Variants in KDM4F observed in about 807,000 individuals in gnomAD.
The protein encoded by KDM4F is probable lysine-specific demethylase 4F.
For synonymous variants in KDM4F, 223 were observed against 184.4 expected (o/e 1.21, Z -1.70); for missense variants, 586 against 496.4 (o/e 1.18, Z -1.71).
chr11:95,049,755 C>T (rs1858492203), exon 1 of KDM4F: 1 of 1,605,012 alleles, frequency 6.2e-7, no homozygotes, highest in African/African-American at 1.3e-5. Context: ...GACTCCGCCA[C>T]ACCAGAATTT....
chr11:95,050,052 G>C, exon 1 of KDM4F: 6 of 1,604,712 alleles, frequency 3.7e-6, no homozygotes, highest in Non-Finnish European at 2.6e-6. Context: ...AACTTGGTAC[G>C]TGGTGCCCCC....
the KDM4F span, chr11:95,050,560 GCTGTCCCACACGGA>G: frequency 1.4e-6 from 1 of 689,670 alleles, no homozygotes; most frequent in South Asian, 1.5e-5. Context: ...CACATAACCA[GCTGTCCCACACGGA>G]CTGTGGCCCC....
At chr11:95,050,855 G>C in exon 1 of KDM4F, 1 of 541,452 alleles carries the variant, frequency 1.8e-6, no homozygotes, top group Non-Finnish European at 3.3e-6. Flanking sequence ...CTCAGCTCCA[G>C]TTCGCCGATG....
exon 1 of KDM4F, chr11:95,049,669 T>C (rs1038138854): frequency 1.1e-5 from 17 of 1,600,572 alleles, no homozygotes; most frequent in Non-Finnish European, 1.4e-5. Flanking sequence ...GGAGGTGTGT[T>C]TACTCAATAC....
exon 1 of KDM4F, chr11:95,050,539 A>G: frequency 1.4e-6 from 1 of 698,196 alleles, no homozygotes; most frequent in South Asian, 1.5e-5. Context: ...GGCCTGAGGC[A>G]TCTCCGGAAC....
exon 1 of KDM4F, chr11:95,050,752 C>T: frequency 1.5e-6 from 1 of 651,686 alleles, no homozygotes; most frequent in African/African-American, 1.8e-5. Flanking sequence ...GGTCGTCGTC[C>T]TCGAGAACTG....
exon 1 of KDM4F, chr11:95,049,592 A>G: frequency 6.3e-7 from 1 of 1,598,964 alleles, no homozygotes; most frequent in South Asian, 1.1e-5. Flanking sequence ...GGAAAGCCAG[A>G]CAGATGTATG....
chr11:95,050,191 C>T (rs1475306902), exon 1 of KDM4F: 1 of 1,548,170 alleles, frequency 6.5e-7, no homozygotes, highest in Non-Finnish European at 8.9e-7. Context: ...AATGGGATCC[C>T]CTTCAATCGC....
At chr11:95,050,822 G>A in exon 1 of KDM4F, 2 of 580,198 alleles carry the variant, frequency 3.4e-6, no homozygotes, top group Non-Finnish European at 6.1e-6. Flanking sequence ...TGGGGACAGG[G>A]AGCAGAGCTC....
rs576294929 is a variant in KDM4F, at chr11:95,049,844, A to G, written c.423A>G (p.Leu141=). Reference sequence around the variant, plus strand: ...ATGGTGCTGATATCAGCGGCTCCTTATTTGAAGAAAGCACTAAACAATGGA... The same window carrying G: ...ATGGTGCTGATATCAGCGGCTCCTTGTTTGAAGAAAGCACTAAACAATGGA... The change falls in exon 1 of 1, where the codon TTA becomes TTG. Residue 141 remains leucine (L), a synonymous_variant. Transcript: ENST00000545950. The G allele has an allele frequency of 6.9e-6, 11 of 1,602,940 alleles. No individual in the cohort carries two copies. The Admixed American group carries it at 1.2e-4, about 17-fold the overall frequency.
chr11:95,050,731 G>T (rs1424000265), exon 1 of KDM4F: 30 of 643,744 alleles, frequency 4.7e-5, no homozygotes, highest in Non-Finnish European at 8.1e-5. Context: ...CGAGGTCGTG[G>T]TCGAGGCCGT....
At chr11:95,051,078 C>T (rs2134140176) in exon 1 of KDM4F, 1 of 410,992 alleles carries the variant, frequency 2.4e-6, no homozygotes, top group South Asian at 1.1e-4. Flanking sequence ...TGTCACTGTG[C>T]CTTTGATTAC....
chr11:95,050,587 G>A (rs1858501503), exon 1 of KDM4F: 1 of 663,532 alleles, frequency 1.5e-6, no homozygotes, highest in Non-Finnish European at 2.7e-6. Context: ...GTGGCCCCAA[G>A]GCTCTGTTAC....
At chr11:95,050,268 G>A (rs1246519859) in exon 1 of KDM4F, 5 of 1,511,426 alleles carry the variant, frequency 3.3e-6, no homozygotes, top group African/African-American at 2.7e-5. Flanking sequence ...CTTCAATCAC[G>A]GCTTCAACTG....
At chr11:95,050,879 C>A in exon 1 of KDM4F, 1 of 523,562 alleles carries the variant, frequency 1.9e-6, no homozygotes, top group Non-Finnish European at 3.4e-6. Context: ...CTTTGACAGA[C>A]AAACCCGCAC....
exon 1 of KDM4F, chr11:95,050,003 C>G: frequency 2.5e-6 from 4 of 1,614,144 alleles, no homozygotes; most frequent in Non-Finnish European, 8.5e-7. Flanking sequence ...AGGACATGGA[C>G]CTTTACAGCA....
exon 1 of KDM4F, chr11:95,050,729 T>C: frequency 1.6e-6 from 1 of 641,580 alleles, no homozygotes; most frequent in Non-Finnish European, 2.8e-6. Context: ...GTCGAGGTCG[T>C]GGTCGAGGCC....
chr11:95,049,898 C>G, exon 1 of KDM4F: 2 of 1,610,236 alleles, frequency 1.2e-6, no homozygotes, highest in Admixed American at 3.3e-5. Flanking sequence ...CAATTCTGGA[C>G]CTGTTGGAGC....
chr11:95,050,890 C>T (rs1465495601), exon 1 of KDM4F: 1 of 506,862 alleles, frequency 2.0e-6, no homozygotes, highest in Non-Finnish European at 3.5e-6. Context: ...AAACCCGCAC[C>T]TTTGAGCGGT....
Sources: gnomAD v4.1 joint callset for allele counts on GRCh38, gnomAD v4.1.1 for gene constraint, MANE v1.5 for transcripts, NCBI Gene and HGNC (gene_info 2026-07-23, HGNC 2026-07-21) for gene names.